PDCD10: variants seen among roughly 807,000 people sequenced by gnomAD.
The protein encoded by PDCD10 is programmed cell death protein 10.
PDCD10 carries 4 observed loss-of-function variants against 29.2 expected under a neutral mutation model. That is an observed-to-expected ratio of 0.14 (90% CI 0.07 to 0.31). The LOEUF (loss-of-function observed/expected upper bound fraction) is 0.31, where lower values mean the gene tolerates loss of function less well. Among genes scored for constraint, PDCD10 ranks in the 10% least tolerant of loss-of-function variants. The pLI is 1.00. For synonymous variants in PDCD10, 70 were observed against 82.2 expected (o/e 0.85, Z 0.80); for missense variants, 183 against 257.9 (o/e 0.71, Z 1.99).
At chr3:167,696,746 A>AG (rs551181040) in intron 5 of PDCD10, among the ~76,000 whole-genome samples, 1 of 152,142 alleles carries the variant, frequency 6.6e-6, no homozygotes, top group Non-Finnish European at 1.5e-5. Context: ...CCAAACATAA[A>AG]GGGGGGAAAA....
chr3:167,693,221 TTTTC>T (rs1330658916), intron 6 of PDCD10, among the ~76,000 whole-genome samples: 1 of 152,234 alleles, frequency 6.6e-6, no homozygotes, highest in Non-Finnish European at 1.5e-5. Flanking sequence ...AAGATGAATG[TTTTC>T]TTTTTCTTTC....
chr3:167,714,376 G>A (rs564429191), intron 3 of PDCD10, among the ~76,000 whole-genome samples: 7 of 151,892 alleles, frequency 4.6e-5, no homozygotes, highest in African/African-American at 1.2e-4. Flanking sequence ...TTTCCTCTAC[G>A]ATGTGGTAAA....
intron 4 of PDCD10, among the ~76,000 whole-genome samples, chr3:167,698,260 C>T (rs1335765522): frequency 6.6e-6 from 1 of 152,202 alleles, no homozygotes; most frequent in Non-Finnish European, 1.5e-5. Flanking sequence ...CTGTCAGATA[C>T]TATTCAGGAA....
intron 6 of PDCD10, among the ~76,000 whole-genome samples, chr3:167,692,217 C>T (rs895741486): frequency 6.6e-6 from 1 of 152,156 alleles, no homozygotes; most frequent in African/African-American, 2.4e-5. Context: ...ACAGGCCAAA[C>T]ATGTTTACTT....
intron 2 of PDCD10, among the ~76,000 whole-genome samples, chr3:167,731,274 T>C (rs1724780635): frequency 6.6e-6 from 1 of 152,206 alleles, no homozygotes; most frequent in Non-Finnish European, 1.5e-5. Context: ...TTATAATGAA[T>C]ATCGCTTGCA....
chr3:167,729,606 C>T (rs1336317261), intron 2 of PDCD10, among the ~76,000 whole-genome samples: 4 of 152,184 alleles, frequency 2.6e-5, no homozygotes, highest in Admixed American at 6.5e-5. Flanking sequence ...GAAGGGTTGT[C>T]GTAAGGATTA....
At chr3:167,725,748 T>G (rs1724049866) in intron 2 of PDCD10, among the ~76,000 whole-genome samples, 1 of 125,392 alleles carries the variant, frequency 8.0e-6, no homozygotes, top group Admixed American at 8.4e-5. Flanking sequence ...ATATAGCACT[T>G]TACCATTGTA....
chr3:167,689,946 C>A (rs1279855109), intron 6 of PDCD10, among the ~76,000 whole-genome samples: 1 of 152,018 alleles, frequency 6.6e-6, no homozygotes, highest in African/African-American at 2.4e-5. Flanking sequence ...AAGGTGTGCA[C>A]ATAGAGAAGC....
At chr3:167,702,639 T>A (rs1489048294) in intron 4 of PDCD10, among the ~76,000 whole-genome samples, 1 of 152,220 alleles carries the variant, frequency 6.6e-6, no homozygotes. Flanking sequence ...GGAAAAACTA[T>A]TTTAATCCTC....
At chr3:167,698,699 C>T (rs73033755) in intron 4 of PDCD10, among the ~76,000 whole-genome samples, 2,653 of 152,168 alleles carry the variant, frequency 0.017, 85 homozygotes, top group African/African-American at 0.061. Flanking sequence ...TCTTATCTAG[C>T]AATAAATCTT....
Position 167,691,949 on chromosome 3 carries a change from T to C in PDCD10, c.395+3647A>G, listed in dbSNP as rs544250231. Among the ~76,000 whole-genome samples, 7 of 152,330 alleles carry C rather than the reference T, an allele frequency of 4.6e-5. No individual in the cohort carries two copies. The East Asian group carries it at 1.4e-3, about 29-fold the overall frequency. On this transcript the variant is annotated intron_variant, in intron 6 of 8. Transcript: ENST00000392750. ...GTAAATAAATGTAAAGTGATTAAAA[T>C]AGTGCTTAGCATATAATAAGTCCTA... is the stretch of plus-strand genomic sequence containing the variant.
chr3:167,701,449 C>A (rs186142621), intron 4 of PDCD10, among the ~76,000 whole-genome samples: 14 of 152,280 alleles, frequency 9.2e-5, no homozygotes, highest in Non-Finnish European at 1.8e-4. Flanking sequence ...ACACTTCAGC[C>A]TCCCAAAGTG....
chr3:167,704,660 A>T (rs1721789515), intron 4 of PDCD10, 182 bp downstream of exon 4: 1 of 538,540 alleles, frequency 1.9e-6, no homozygotes, highest in African/African-American at 1.9e-5. Context: ...AATGCTAACG[A>T]AATAACATTT....
At chr3:167,719,949 A>T (rs770126934) in intron 3 of PDCD10, 113 bp downstream of exon 3, 144 of 815,534 alleles carry the variant, frequency 1.8e-4, no homozygotes, top group Non-Finnish European at 2.7e-4. Context: ...TAACGCACCG[A>T]TAAGAGTTCA....
rs894107678 is a variant in PDCD10, at chr3:167,697,004, G to C, written c.268+5C>G. The C allele has an allele frequency of 1.4e-6, 2 of 1,413,344 alleles. No individual in the cohort carries two copies. Among genetic ancestry groups the C allele is most frequent in the Middle Eastern group, 1.8e-4 (1 of 5,670 alleles). The allele number at this position is 1,413,344 out of a possible 1,614,324, so 87.6% of individuals were successfully genotyped here. On this transcript the variant is annotated splice_donor_5th_base_variant and intron_variant, in intron 5 of 8. Coordinates refer to ENST00000392750, the MANE Select transcript of PDCD10 (RefSeq NM_007217.4). ...TAACTTAAACAAGGTTCTTCTGTCC[G>C]TTACCTTCTACATCATCAGCTGCCA... is the stretch of plus-strand genomic sequence containing the variant.
intron 3 of PDCD10, among the ~76,000 whole-genome samples, chr3:167,718,854 C>A (rs945061304): frequency 2.6e-5 from 4 of 151,806 alleles, no homozygotes; most frequent in Non-Finnish European, 5.9e-5. Context: ...ACAATACTAG[C>A]CCTGGACCAC....
At chr3:167,692,872 G>A (rs1483476550) in intron 6 of PDCD10, among the ~76,000 whole-genome samples, 1 of 152,170 alleles carries the variant, frequency 6.6e-6, no homozygotes, top group Admixed American at 6.5e-5. Flanking sequence ...GAGCCGAGAT[G>A]GCGCCACTGC....
chr3:167,706,010 C>T (rs1297578301), intron 3 of PDCD10, among the ~76,000 whole-genome samples: 5 of 152,178 alleles, frequency 3.3e-5, no homozygotes, highest in Non-Finnish European at 1.5e-5. Context: ...TTACACCACA[C>T]TCTGACCTCT....
chr3:167,697,272 G>A, intron 4 of PDCD10, 146 bp from the exon 5 acceptor site: 1 of 619,296 alleles, frequency 1.6e-6, no homozygotes, highest in Non-Finnish European at 2.9e-6. Flanking sequence ...TGTCATGATA[G>A]CATTCACTAA....
Sources: gnomAD v4.1 joint callset for allele counts (sites outside exome capture counted in the v4.1 genomes callset) on GRCh38, gnomAD v4.1.1 for gene constraint, MANE v1.5 for transcripts, NCBI Gene and HGNC (gene_info 2026-07-23, HGNC 2026-07-21) for gene names.